ZNF766: variants seen among roughly 807,000 people sequenced by gnomAD.
ZNF766 encodes zinc finger protein 766.
A neutral mutation model predicts 13.2 loss-of-function variants in ZNF766; 13 were observed. That is an observed-to-expected ratio of 0.98 (90% CI 0.64 to 1.56). ZNF766 has a LOEUF of 1.56. ZNF766 is among the 40% of genes most tolerant of loss of function. ZNF766 has a pLI of 0.00. For missense variants in ZNF766, 521 were observed against 552.2 expected, an observed-to-expected ratio of 0.94 and a Z score of 0.57; for synonymous variants, 178 against 187.6, an observed-to-expected ratio of 0.95 and a Z score of 0.42.
In ZNF766 at chr19:52,290,280, A is replaced by G; in HGVS notation, c.489A>G (p.Lys163=). Reference sequence around the variant, plus strand: ...GGGTCAAAACCCACATATTTAATAAACATAGGAATGATTTTGTTGATTTTC... The same window carrying G: ...GGGTCAAAACCCACATATTTAATAAGCATAGGAATGATTTTGTTGATTTTC... ...YSGVKTHIFN[K]HRNDFVDFPL... is the part of the protein sequence containing the mutation. The change falls in exon 4 of 4, where the codon AAA becomes AAG. Residue 163 remains lysine, a synonymous_variant. Transcript: ENST00000439461. 2 of 1,613,836 alleles carry G rather than the reference A, an allele frequency of 1.2e-6. No individual in the cohort carries two copies. The highest frequency in any genetic ancestry group is 1.7e-6 in the Non-Finnish European group (2 of 1,179,820).
At chr19:52,289,036 T>G (rs950537638) in intron 3 of ZNF766, among the ~76,000 whole-genome samples, 4 of 150,322 alleles carry the variant, frequency 2.7e-5, no homozygotes, top group African/African-American at 9.8e-5. Context: ...TTTTTTATTT[T>G]TAGTAGAGAT....
chr19:52,276,726 C>T (rs1981219875), intron 1 of ZNF766, among the ~76,000 whole-genome samples: 1 of 152,162 alleles, frequency 6.6e-6, no homozygotes, highest in African/African-American at 2.4e-5. Context: ...CAGGGTTTTG[C>T]AACGTATCCC....
rs1373185209 is a variant in ZNF766 at position 52,295,295 on chromosome 19, C to T, written c.*4097C>T. The T allele has an allele frequency of 6.6e-6, 1 of 152,138 alleles. No homozygotes were observed. The highest frequency in any genetic ancestry group is 2.4e-5 in the African/African-American group (1 of 41,390). The allele number at this position is 152,138 out of a possible 1,614,324, so 9.4% of individuals were successfully genotyped here. A position where few individuals can be genotyped will look rare whatever the true frequency, so the allele number is the denominator to read the frequency against. ...TCCCAGGCTCAAGTGATTCTCCTGC[C>T]TCGGCCTCCCGAATAGCTGGGATTA... On this transcript the variant is annotated 3_prime_UTR_variant, in exon 4 of 4. Transcript: ENST00000439461.
At chr19:52,271,491 G>A (rs1200254739) in intron 1 of ZNF766, among the ~76,000 whole-genome samples, 4 of 152,148 alleles carry the variant, frequency 2.6e-5, no homozygotes, top group Non-Finnish European at 4.4e-5. Flanking sequence ...GTAGTAACTG[G>A]GAATGGTCTG....
chr19:52,285,953 A>G (rs1981795700), intron 3 of ZNF766, among the ~76,000 whole-genome samples: 1 of 152,204 alleles, frequency 6.6e-6, no homozygotes, highest in Non-Finnish European at 1.5e-5. Flanking sequence ...TATGTGTATC[A>G]TAACACCACA....
At chr19:52,283,062 C>T (rs1370446904) in intron 2 of ZNF766, among the ~76,000 whole-genome samples, 1 of 152,184 alleles carries the variant, frequency 6.6e-6, no homozygotes, top group African/African-American at 2.4e-5. Flanking sequence ...AATCGCCGCA[C>T]TGTCTTCCAC....
Position 52,295,479 on chromosome 19 carries a change from C to T in ZNF766, c.*4281C>T, listed in dbSNP as rs1250196200. The T allele has an allele frequency of 6.6e-6, 1 of 152,090 alleles. No homozygotes were observed. The highest frequency in any genetic ancestry group is 1.5e-5 in the Non-Finnish European group (1 of 68,024). 9.4% of individuals were successfully genotyped at this position (152,090 alleles called of 1,614,324 possible). A position where few individuals can be genotyped will look rare whatever the true frequency, so the allele number is the denominator to read the frequency against. On this transcript the variant is annotated 3_prime_UTR_variant, in exon 4 of 4. Coordinates refer to ENST00000439461, the MANE Select transcript of ZNF766 (RefSeq NM_001010851.3). Reference sequence around the variant, plus strand: ...GGATTACAGGCATGAGCCACCATGCCCGGCCAGATGCTATGCTTAATACAT... The same window carrying T: ...GGATTACAGGCATGAGCCACCATGCTCGGCCAGATGCTATGCTTAATACAT...
intron 3 of ZNF766, 132 bp downstream of exon 3, chr19:52,283,545 C>A: frequency 8.1e-7 from 1 of 1,238,996 alleles, no homozygotes; most frequent in Admixed American, 3.1e-5. Flanking sequence ...TTCAACAGTC[C>A]TCCTGCTTTG....
chr19:52,292,346 A>G lies in ZNF766; in HGVS notation c.*1148A>G. 4.9e-6 allele frequency: 3 copies of G among 607,470 alleles called. No homozygotes were observed. In the South Asian group the frequency reaches 5.9e-5, roughly 12 times the overall value. The allele number at this position is 607,470 out of a possible 1,614,324, so 37.6% of individuals were successfully genotyped here. On this transcript the variant is annotated 3_prime_UTR_variant, in exon 4 of 4. Transcript: ENST00000439461. ...AGTCATCATGCTTATTGCAGTTAGC[A>G]CACACTTTTCCTGACAGGCACAGTG...
intron 1 of ZNF766, among the ~76,000 whole-genome samples, chr19:52,275,790 C>T (rs1400223597): frequency 6.6e-6 from 1 of 151,576 alleles, no homozygotes; most frequent in Non-Finnish European, 1.5e-5. Context: ...AAGTGATTCT[C>T]CTGCCTCAGC....
chr19:52,284,480 T>A (rs28431860), intron 3 of ZNF766, among the ~76,000 whole-genome samples: 2,645 of 152,294 alleles, frequency 0.017, 79 homozygotes, highest in African/African-American at 0.06. Flanking sequence ...GTGATTTTCC[T>A]ACTCTCACAT....
intron 3 of ZNF766, among the ~76,000 whole-genome samples, chr19:52,287,052 C>G (rs1981864776): frequency 6.6e-6 from 1 of 152,088 alleles, no homozygotes; most frequent in Non-Finnish European, 1.5e-5. Flanking sequence ...CCAAGCTGGT[C>G]TCGAACTCCT....
Position 52,282,128 on chromosome 19 carries a change from G to C in ZNF766, c.36G>C (p.Arg12Ser), listed in dbSNP as rs1981557922. Reference protein sequence around the residue: ...AQLRRGHLTFRDVAIEFSQEE... With the variant: ...AQLRRGHLTFSDVAIEFSQEE... ...TATTTTAGGGACACTTGACATTCAGGGACGTGGCCATAGAATTCTCTCAGG... is the reference window on the plus strand; with the variant it reads ...TATTTTAGGGACACTTGACATTCAGCGACGTGGCCATAGAATTCTCTCAGG... Residue 12 changes from arginine to serine, a missense_variant, in exon 2 of 4, where the codon AGG becomes AGC. Physicochemically the swap from Arg to Ser is moderately radical, Grantham distance 110. Transcript: ENST00000439461. 1 of 1,603,456 alleles carries C rather than the reference G, an allele frequency of 6.2e-7. No individual in the cohort carries two copies. The highest frequency in any genetic ancestry group is 1.1e-5 in the South Asian group (1 of 90,940).
intron 1 of ZNF766, among the ~76,000 whole-genome samples, chr19:52,270,278 G>A (rs940113952): frequency 5.3e-5 from 8 of 152,114 alleles, no homozygotes; most frequent in African/African-American, 1.9e-4. Context: ...GGAGAGCGAG[G>A]TAGAGGAAAC....
At chr19:52,276,050 A>G (rs1328636910) in intron 1 of ZNF766, among the ~76,000 whole-genome samples, 3 of 152,204 alleles carry the variant, frequency 2.0e-5, no homozygotes, top group Non-Finnish European at 4.4e-5. Flanking sequence ...AGTTGACTAT[A>G]GTATTCAGGA....
In ZNF766 at chr19:52,291,146, C is replaced by T; in HGVS notation, c.1355C>T (p.Ser452Leu). The T allele has an allele frequency of 6.2e-7, 1 of 1,610,914 alleles. No individual in the cohort carries two copies. Among genetic ancestry groups the T allele is most frequent in the Non-Finnish European group, 8.5e-7 (1 of 1,178,230 alleles). Residue 452 changes from serine to leucine, a missense_variant, in exon 4 of 4, where the codon TCA (serine) becomes TTA (leucine). By Grantham distance (145) the Ser-to-Leu change is moderately radical (BLOSUM62 -2). Coordinates refer to ENST00000439461, the MANE Select transcript of ZNF766 (RefSeq NM_001010851.3). ...HVCGKVFRHSSWFVQHQRSVH... is the reference protein window; with the variant it reads ...HVCGKVFRHSLWFVQHQRSVH... ...TGTGGTAAGGTCTTTAGGCACAGTT[C>T]ATGGTTTGTACAGCATCAGAGAAGT...
chr19:52,292,062 GC>G lies in ZNF766; in HGVS notation c.*865del, dbSNP rs199890996. ...TTTGTACTCCAGCTTGGGTGACAGA[GC>G]GAGACCCTGTCTCAAAAGAAAAAAA... On this transcript the variant is annotated 3_prime_UTR_variant, in exon 4 of 4. Transcript: ENST00000439461. 219 of 685,336 alleles carry G rather than the reference GC, an allele frequency of 3.2e-4. No individual in the cohort carries two copies. The East Asian group carries it at 5.3e-3, about 17-fold the overall frequency. The allele number at this position is 685,336 out of a possible 1,614,324, so 42.5% of individuals were successfully genotyped here.
chr19:52,278,797 G>A (rs905744228), intron 1 of ZNF766, among the ~76,000 whole-genome samples: 7 of 152,152 alleles, frequency 4.6e-5, no homozygotes, highest in South Asian at 2.1e-4. Context: ...TGCATAGTTC[G>A]CAAAAATTTT....
chr19:52,290,019 A>G, intron 3 of ZNF766, 47 bp from the exon 4 acceptor site: 2 of 1,529,468 alleles, frequency 1.3e-6, no homozygotes, highest in Non-Finnish European at 8.8e-7. Flanking sequence ...TGCAAAAAAC[A>G]TGCCAGAACC....
Sources: gnomAD v4.1 joint callset for allele counts (sites outside exome capture counted in the v4.1 genomes callset) on GRCh38, gnomAD v4.1.1 for gene constraint, MANE v1.5 for transcripts, NCBI Gene and HGNC (gene_info 2026-07-23, HGNC 2026-07-21) for gene names.